Variants in ME1 observed in about 807,000 individuals in gnomAD.
ME1 encodes NADP-dependent malic enzyme.
Under a neutral mutation model 66.4 loss-of-function variants are expected in ME1, and 74 were observed. The observed-to-expected ratio is 1.11, with a 90% CI of 0.92 to 1.35. ME1 has a LOEUF of 1.35. ME1 is among the 40% of genes most tolerant of loss of function. The pLI, the probability that ME1 is intolerant of heterozygous loss-of-function variation, is 0.00. For missense variants in ME1, 750 were observed against 694.1 expected (o/e 1.08, Z -0.90); for synonymous variants, 251 against 235.6 (o/e 1.07, Z -0.60).
intron 12 of ME1, among the ~76,000 whole-genome samples, chr6:83,222,424 G>T (rs565259135): frequency 2.0e-5 from 3 of 152,196 alleles, no homozygotes; most frequent in South Asian, 4.2e-4. Context: ...CATTCTTGGG[G>T]TTCCTCTTCA....
chr6:83,324,518 A>G (rs1414609664), intron 5 of ME1, among the ~76,000 whole-genome samples: 1 of 152,038 alleles, frequency 6.6e-6, no homozygotes, highest in East Asian at 1.9e-4. Context: ...CACTGATCCC[A>G]CAGAAATACA....
chr6:83,409,298 C>G (rs1770002968), intron 1 of ME1, among the ~76,000 whole-genome samples: 1 of 152,210 alleles, frequency 6.6e-6, no homozygotes, highest in Admixed American at 6.5e-5. Context: ...CTCTAATCAA[C>G]CTGGATAGGT....
chr6:83,294,794 G>GC (rs931269871), intron 6 of ME1, among the ~76,000 whole-genome samples: 1 of 151,950 alleles, frequency 6.6e-6, no homozygotes, highest in Non-Finnish European at 1.5e-5. Flanking sequence ...AGGCAGTGCC[G>GC]CCCCCCATCC....
At chr6:83,405,930 C>A (rs1222891684) in intron 2 of ME1, among the ~76,000 whole-genome samples, 1 of 152,040 alleles carries the variant, frequency 6.6e-6, no homozygotes, top group Non-Finnish European at 1.5e-5. Flanking sequence ...ACCGTTTTAG[C>A]CGGGATGGTC....
At chr6:83,224,549 T>C (rs1790149553) in intron 11 of ME1, among the ~76,000 whole-genome samples, 1 of 150,626 alleles carries the variant, frequency 6.6e-6, no homozygotes, top group African/African-American at 2.4e-5. Flanking sequence ...TGGGGAGTGG[T>C]GGTGGGTGCC....
At chr6:83,223,674 T>C (rs1162929327) in intron 12 of ME1, 86 bp downstream of exon 12, 1 of 1,267,338 alleles carries the variant, frequency 7.9e-7, no homozygotes, top group Non-Finnish European at 1.1e-6. Flanking sequence ...TAAGCTGAGA[T>C]GCTAGATAAA....
chr6:83,422,430 G>T (rs1454691082), intron 1 of ME1, among the ~76,000 whole-genome samples: 1 of 152,114 alleles, frequency 6.6e-6, no homozygotes, highest in Non-Finnish European at 1.5e-5. Context: ...ATATGCAAAT[G>T]TCCAGAATAG....
chr6:83,392,282 C>A, intron 3 of ME1: 1 of 495,794 alleles, frequency 2.0e-6, no homozygotes, highest in Non-Finnish European at 3.9e-6. Context: ...CATCAATGAC[C>A]CCTTCATTGA....
chr6:83,390,354 A>G (rs1190184994), intron 3 of ME1, among the ~76,000 whole-genome samples: 1 of 152,176 alleles, frequency 6.6e-6, no homozygotes, highest in East Asian at 1.9e-4. Flanking sequence ...CACTTTCTGA[A>G]TGTCTTAAAA....
intron 3 of ME1, among the ~76,000 whole-genome samples, chr6:83,398,088 T>C (rs1343754410): frequency 6.6e-6 from 1 of 152,122 alleles, no homozygotes; most frequent in African/African-American, 2.4e-5. Flanking sequence ...ATAGTGACTA[T>C]TGCTAAGGAT....
chr6:83,304,210 G>A (rs942229544), intron 6 of ME1, among the ~76,000 whole-genome samples: 2 of 152,154 alleles, frequency 1.3e-5, no homozygotes, highest in African/African-American at 4.8e-5. Flanking sequence ...TACAAATGTA[G>A]TAGTTGGTGG....
chr6:83,240,309 A>G (rs982051353), intron 7 of ME1, among the ~76,000 whole-genome samples: 2 of 152,104 alleles, frequency 1.3e-5, no homozygotes, highest in African/African-American at 4.8e-5. Flanking sequence ...ATGGCAAGTA[A>G]AATCTAATTA....
intron 3 of ME1, among the ~76,000 whole-genome samples, chr6:83,377,655 T>C (rs551209444): frequency 6.6e-6 from 1 of 152,088 alleles, no homozygotes; most frequent in African/African-American, 2.4e-5. Flanking sequence ...AAGGGAGAGG[T>C]ACTAGGTTGG....
At chr6:83,285,169 T>C (rs1449645519) in intron 6 of ME1, among the ~76,000 whole-genome samples, 1 of 152,192 alleles carries the variant, frequency 6.6e-6, no homozygotes, top group African/African-American at 2.4e-5. Context: ...GAGTATAATA[T>C]ATATTTAACA....
chr6:83,243,668 TATATC>T, intron 7 of ME1, among the ~76,000 whole-genome samples: 1 of 122,846 alleles, frequency 8.1e-6, no homozygotes. Flanking sequence ...ATAATTACAT[TATATC>T]GATATAATCT....
chr6:83,417,354 GT>G (rs954207503), intron 1 of ME1, among the ~76,000 whole-genome samples: 8 of 145,766 alleles, frequency 5.5e-5, no homozygotes, highest in South Asian at 2.2e-4. Flanking sequence ...TAACTAACAT[GT>G]TTTTTTTGTT....
At chr6:83,415,558 G>A (rs901034689) in intron 1 of ME1, among the ~76,000 whole-genome samples, 7 of 152,172 alleles carry the variant, frequency 4.6e-5, no homozygotes, top group Non-Finnish European at 1.5e-5. Flanking sequence ...TCAGTACTCT[G>A]TAGTTCGGTT....
In ME1 at chr6:83,239,608, G is replaced by C; in HGVS notation, c.843C>G (p.Leu281=). Reference sequence around the variant, plus strand: ...TCTTGGTTATTCGAAGAGCTGCAAGGAGACCTGCAACTGCAACAGATGCTG... The same window carrying C: ...TCTTGGTTATTCGAAGAGCTGCAAGCAGACCTGCAACTGCAACAGATGCTG... ...QGTASVAVAG[L]LAALRITKNK... The change falls in exon 8 of 14, where the codon CTC becomes CTG. Residue 281 remains leucine, a synonymous_variant. Coordinates refer to ENST00000369705, the MANE Select transcript of ME1 (RefSeq NM_002395.6). The C allele has an allele frequency of 6.2e-7, 1 of 1,613,206 alleles. No individual in the cohort carries two copies.
At chr6:83,353,541 A>AGTT (rs912308962) in intron 3 of ME1, among the ~76,000 whole-genome samples, 6 of 150,996 alleles carry the variant, frequency 4.0e-5, no homozygotes, top group Admixed American at 2.6e-4. Flanking sequence ...GTTTCCACTT[A>AGTT]GTTGTTGTTG....
Sources: gnomAD v4.1 joint callset for allele counts (sites outside exome capture counted in the v4.1 genomes callset) on GRCh38, gnomAD v4.1.1 for gene constraint, MANE v1.5 for transcripts, NCBI Gene and HGNC (gene_info 2026-07-23, HGNC 2026-07-21) for gene names.